The following HDX variants were observed in gnomAD, a reference collection of about 807,000 sequenced individuals.
HDX encodes chromosome X open reading frame 43.
A neutral mutation model predicts 45.2 loss-of-function variants in HDX; 19 were observed. That is an observed-to-expected ratio of 0.42 (90% CI 0.29 to 0.62). The LOEUF is 0.62. Ranked by LOEUF, HDX falls within the 20% of genes least tolerant of loss-of-function variation. HDX has a pLI of 0.20. For missense variants in HDX, 532 were observed against 493.9 expected (o/e 1.08, Z -0.73); for synonymous variants, 188 against 172.8 (o/e 1.09, Z -0.69).
At chrX:84,391,330 T>A (rs1033195926) in intron 5 of HDX, among the ~76,000 whole-genome samples, 10 of 111,998 alleles carry the variant, frequency 8.9e-5, no homozygotes, top group Non-Finnish European at 1.5e-4. Context: ...ATATACCACA[T>A]TTTTTATCCA....
chrX:84,440,717 G>A lies in HDX; in HGVS notation c.1252-132C>T, dbSNP rs147315598. On this transcript the variant is annotated intron_variant, in intron 4 of 10. Coordinates refer to ENST00000373177, the MANE Select transcript of HDX (RefSeq NM_001177479.2). ...AGAACATATTCCCCACGTATAAAAT[G>A]TTGTTTCCTTATTGAACTCAACAGA... The A allele has an allele frequency of 1.8e-3, 752 of 421,056 alleles. 4 individuals carry two copies. Among genetic ancestry groups the A allele is most frequent in the African/African-American group, 0.018 (673 of 38,425 alleles). The allele number at this position is 421,056 out of a possible 1,213,427, so 34.7% of individuals were successfully genotyped here. A position where few individuals can be genotyped will look rare whatever the true frequency, so the allele number is the denominator to read the frequency against.
At chrX:84,486,999 C>T (rs1316490680) in intron 2 of HDX, among the ~76,000 whole-genome samples, 1 of 111,482 alleles carries the variant, frequency 9.0e-6, no homozygotes. Flanking sequence ...TCCCATAGGG[C>T]TTGAGTTTCT....
intron 4 of HDX, among the ~76,000 whole-genome samples, chrX:84,451,500 A>G (rs1369590648): frequency 2.7e-5 from 3 of 109,935 alleles, no homozygotes; most frequent in East Asian, 5.7e-4. Flanking sequence ...GAAGAGACCA[A>G]TAAAAATTAC....
chrX:84,321,273 C>G lies in HDX; in HGVS notation c.*616G>C, dbSNP rs2036592143. On this transcript the variant is annotated 3_prime_UTR_variant, in exon 11 of 11. Transcript: ENST00000373177. ...CCTTTCCATTGTGCTTCCCCACCCC[C>G]ACACAAATATTTGGGTTAGATAATA... is the stretch of plus-strand genomic sequence containing the variant. 1 of 110,587 alleles carries G rather than the reference C, an allele frequency of 9.0e-6. No homozygotes were observed. Among genetic ancestry groups the G allele is most frequent in the African/African-American group, 3.3e-5 (1 of 30,595 alleles). The allele number at this position is 110,587 out of a possible 1,213,427, so 9.1% of individuals were successfully genotyped here.
intron 3 of HDX, among the ~76,000 whole-genome samples, chrX:84,471,335 T>TA (rs1368060599): frequency 1.1e-3 from 121 of 107,516 alleles, no homozygotes; most frequent in African/African-American, 1.5e-3. Flanking sequence ...AAGAAAAAAA[T>TA]AAAAAAACTA....
At chrX:84,327,297 G>A (rs781011779) in intron 9 of HDX, among the ~76,000 whole-genome samples, 1 of 111,831 alleles carries the variant, frequency 8.9e-6, no homozygotes, top group African/African-American at 3.2e-5. Flanking sequence ...CAGTAAAATG[G>A]TTATTATACT....
chrX:84,354,846 T>C (rs2037436604), intron 6 of HDX, among the ~76,000 whole-genome samples: 1 of 103,014 alleles, frequency 9.7e-6, no homozygotes, highest in Non-Finnish European at 2.0e-5. Flanking sequence ...TTATTTCTTA[T>C]GGTAAGGCAT....
At chrX:84,335,113 G>C (rs570313198) in intron 8 of HDX, among the ~76,000 whole-genome samples, 12 of 111,272 alleles carry the variant, frequency 1.1e-4, no homozygotes, top group African/African-American at 3.6e-4. Context: ...TTCTACTGCT[G>C]CCTGGAGATG....
rs542802087 is a variant in HDX at position 84,487,721 on chromosome X, C to T, written c.-1+303G>A. ...TTTCCTCTCCATGATTCTCCACTCA[C>T]TGTACAGCCTGCAAGGGCCACTTTT... On this transcript the variant is annotated intron_variant, in intron 2 of 10. Transcript: ENST00000373177. 5.7e-4 allele frequency among the ~76,000 whole-genome samples: 64 copies of T among 112,314 alleles called. No individual in the cohort carries two copies. The South Asian group carries it at 0.023, about 41-fold the overall frequency.
chrX:84,336,839 T>C lies in HDX; in HGVS notation c.1702A>G (p.Lys568Glu), dbSNP rs770098867. ...GTTACTGCATGGTGGTCCTCTTCCTTATGAGCCCTTGCATCATTCGGAACA... is the reference window on the plus strand; with the variant it reads ...GTTACTGCATGGTGGTCCTCTTCCTCATGAGCCCTTGCATCATTCGGAACA... The part of the protein sequence containing the change: ...EVVPNDARAH[K>E]EEDHHAVTTD... Residue 568 changes from lysine to glutamate, a missense_variant, in exon 8 of 11, where the codon AAG becomes GAG. Lys to Glu is a moderately conservative substitution (Grantham distance 56, BLOSUM62 1). Transcript: ENST00000373177. 8.4e-7 allele frequency: 1 copy of C among 1,190,917 alleles called. No homozygotes were observed. The highest frequency in any genetic ancestry group is 1.1e-6 in the Non-Finnish European group (1 of 879,559).
intron 2 of HDX, among the ~76,000 whole-genome samples, chrX:84,476,210 C>G (rs1835620608): frequency 9.0e-6 from 1 of 111,040 alleles, no homozygotes; most frequent in African/African-American, 3.3e-5. Flanking sequence ...AGGTCAAACT[C>G]TTCTTTAAAA....
chrX:84,466,158 T>G (rs999887027), intron 4 of HDX, among the ~76,000 whole-genome samples: 4 of 112,266 alleles, frequency 3.6e-5, no homozygotes, highest in African/African-American at 1.3e-4. Context: ...GTGATAATTG[T>G]GGTCTGTGCA....
At chrX:84,433,974 A>G (rs1414142744) in intron 5 of HDX, among the ~76,000 whole-genome samples, 5 of 111,025 alleles carry the variant, frequency 4.5e-5, no homozygotes, top group Admixed American at 3.9e-4. Flanking sequence ...TCTTGATTTA[A>G]TTCTCATCCT....
chrX:84,322,993 A>G (rs17267378), intron 10 of HDX, among the ~76,000 whole-genome samples: 9,159 of 110,490 alleles, frequency 0.083, 389 homozygotes, highest in East Asian at 0.26. Context: ...CAGAAAGGGC[A>G]TGTTGGAGAA....
intron 2 of HDX, among the ~76,000 whole-genome samples, chrX:84,480,431 G>A (rs1034138287): frequency 9.0e-6 from 1 of 111,601 alleles, no homozygotes. Flanking sequence ...CTCAAGTTTG[G>A]AGGGAAAGCG....
At chrX:84,367,039 A>G (rs1173638038) in intron 5 of HDX, among the ~76,000 whole-genome samples, 2 of 112,159 alleles carry the variant, frequency 1.8e-5, no homozygotes. Context: ...CAGCAAAAGA[A>G]ACTATCCTCA....
chrX:84,400,652 C>T (rs928380742), intron 5 of HDX, among the ~76,000 whole-genome samples: 2 of 110,956 alleles, frequency 1.8e-5, no homozygotes, highest in African/African-American at 6.6e-5. Context: ...AGATACAATG[C>T]TATTCCCATC....
At chrX:84,432,445 G>T (rs2039526429) in intron 5 of HDX, among the ~76,000 whole-genome samples, 1 of 111,787 alleles carries the variant, frequency 8.9e-6, no homozygotes, top group Non-Finnish European at 1.9e-5. Flanking sequence ...TGACAATATG[G>T]ATTCTTCCTA....
intron 6 of HDX, among the ~76,000 whole-genome samples, chrX:84,359,703 T>G (rs1310930313): frequency 3.6e-5 from 4 of 111,751 alleles, no homozygotes; most frequent in Non-Finnish European, 7.5e-5. Context: ...TTTGGGTACA[T>G]GCCCAGTAAT....
Sources: allele counts gnomAD v4.1 joint callset (sites outside exome capture counted in the v4.1 genomes callset), GRCh38; gene constraint gnomAD v4.1.1; transcripts MANE v1.5; gene names NCBI Gene and HGNC (gene_info 2026-07-23, HGNC 2026-07-21).